The following ARL15 variants were observed in gnomAD, a reference collection of about 807,000 sequenced individuals.
The protein encoded by ARL15 is ARF like GTPase 15.
In ARL15, 19 loss-of-function variants were observed where a neutral mutation model predicts 25.2. The observed-to-expected ratio is 0.75, with a 90% confidence interval of 0.53 to 1.10. The LOEUF is 1.10. Among genes scored for constraint, ARL15 ranks in the 50% least tolerant of loss-of-function variants. The pLI is 0.00. For missense variants in ARL15, 220 were observed against 246.0 expected (o/e 0.89, Z 0.71); for synonymous variants, 94 against 86.8 (o/e 1.08, Z -0.46).
chr5:54,188,127 T>C lies in ARL15; in HGVS notation c.49-16199A>G, dbSNP rs1755290306. On this transcript the variant is annotated intron_variant, in intron 1 of 4. Coordinates refer to ENST00000504924, the MANE Select transcript of ARL15 (RefSeq NM_019087.3). The stretch of plus-strand genomic sequence containing the variant: ...CTGTTACAACAAGAATAAAAAAAAC[T>C]ACTCATCTGGAACATGCAACAAAAA... 3.3e-5 allele frequency among the ~76,000 whole-genome samples: 5 copies of C among 152,144 alleles called. 1 individual carries two copies. In the South Asian group the frequency reaches 1.0e-3, roughly 32 times the overall value.
intron 4 of ARL15, among the ~76,000 whole-genome samples, chr5:53,909,103 T>C (rs73110821): frequency 0.011 from 1,709 of 152,224 alleles, 33 homozygotes; most frequent in African/African-American, 0.037. Context: ...AAGTACACTA[T>C]AGAAAATCAA....
In ARL15 at chr5:53,986,354, T is replaced by G. The variant is rs754330215; in HGVS notation, c.463-99641A>C. ...CAATTGATAATTATTTTGGGAGAAATAATTTATTTTTCAATTTTGACCATC... is the reference window on the plus strand; with the variant it reads ...CAATTGATAATTATTTTGGGAGAAAGAATTTATTTTTCAATTTTGACCATC... On this transcript the variant is annotated intron_variant, in intron 4 of 4. Transcript: ENST00000504924. Among the ~76,000 whole-genome samples the G allele has an allele frequency of 2.6e-5, 4 of 152,180 alleles. No individual in the cohort carries two copies. The East Asian group carries it at 7.7e-4, about 29-fold the overall frequency.
At chr5:54,279,988 C>T (rs1758014037) in intron 1 of ARL15, among the ~76,000 whole-genome samples, 1 of 152,208 alleles carries the variant, frequency 6.6e-6, no homozygotes, top group Non-Finnish European at 1.5e-5. Context: ...TACTGGGCTG[C>T]GAGCCAGCGC....
chr5:54,104,561 T>C (rs1166559863), intron 4 of ARL15, among the ~76,000 whole-genome samples: 3 of 152,266 alleles, frequency 2.0e-5, no homozygotes, highest in Admixed American at 2.0e-4. Flanking sequence ...TTAGTTATAG[T>C]TATTTTTATA....
At chr5:54,189,758 CAATA>C (rs1207196039) in intron 1 of ARL15, among the ~76,000 whole-genome samples, 1 of 151,770 alleles carries the variant, frequency 6.6e-6, no homozygotes, top group Non-Finnish European at 1.5e-5. Context: ...TTGAATTTGG[CAATA>C]ATTTGTTGGA....
intron 2 of ARL15, among the ~76,000 whole-genome samples, chr5:54,155,122 A>G (rs1315762002): frequency 6.6e-6 from 1 of 152,126 alleles, no homozygotes; most frequent in Non-Finnish European, 1.5e-5. Flanking sequence ...TCCATTTCAA[A>G]AACAAACAAA....
At chr5:54,181,050 A>AT (rs1755041852) in intron 1 of ARL15, among the ~76,000 whole-genome samples, 1 of 152,188 alleles carries the variant, frequency 6.6e-6, no homozygotes, top group Admixed American at 6.5e-5. Flanking sequence ...CAAAAGTGAG[A>AT]TTTTAAAAGT....
At chr5:54,078,126 C>T (rs552442455) in intron 4 of ARL15, among the ~76,000 whole-genome samples, 1 of 152,284 alleles carries the variant, frequency 6.6e-6, no homozygotes, top group South Asian at 2.1e-4. Context: ...ATAATATGCT[C>T]TTAAGTTTAA....
intron 4 of ARL15, among the ~76,000 whole-genome samples, chr5:54,024,426 T>A (rs1014603126): frequency 2.0e-5 from 3 of 152,194 alleles, no homozygotes; most frequent in African/African-American, 7.2e-5. Flanking sequence ...GATGTTAGAT[T>A]TATCCATACT....
chr5:53,947,438 A>G (rs1294468563), intron 4 of ARL15, among the ~76,000 whole-genome samples: 2 of 152,112 alleles, frequency 1.3e-5, no homozygotes, highest in Non-Finnish European at 2.9e-5. Flanking sequence ...AATCAAACAA[A>G]TGGCTTGCAA....
At chr5:54,239,929 AAT>A (rs1358635603) in intron 1 of ARL15, among the ~76,000 whole-genome samples, 1 of 152,180 alleles carries the variant, frequency 6.6e-6, no homozygotes, top group Non-Finnish European at 1.5e-5. Flanking sequence ...AGTAGAACTT[AAT>A]TCTAACACAT....
intron 4 of ARL15, chr5:53,887,280 G>C: frequency 1.5e-6 from 1 of 651,918 alleles, no homozygotes; most frequent in South Asian, 1.7e-5. Flanking sequence ...AAAGAGGATA[G>C]AAACTGCATG....
At chr5:54,205,383 A>G (rs1333647987) in intron 1 of ARL15, among the ~76,000 whole-genome samples, 4 of 152,132 alleles carry the variant, frequency 2.6e-5, no homozygotes, top group African/African-American at 9.7e-5. Flanking sequence ...AAACCACTGC[A>G]TTGCACTGCC....
chr5:54,297,161 A>G (rs995614119), intron 1 of ARL15, among the ~76,000 whole-genome samples: 3 of 152,148 alleles, frequency 2.0e-5, no homozygotes, highest in Non-Finnish European at 2.9e-5. Context: ...TTCTACTAAG[A>G]GGGGTTGCAC....
intron 3 of ARL15, among the ~76,000 whole-genome samples, chr5:54,126,772 C>A (rs180935812): frequency 3.9e-5 from 6 of 152,212 alleles, no homozygotes; most frequent in Non-Finnish European, 7.3e-5. Flanking sequence ...GCCATGCCTT[C>A]GAACTTCCCA....
chr5:53,983,382 A>G (rs1748187099), intron 4 of ARL15, among the ~76,000 whole-genome samples: 1 of 152,162 alleles, frequency 6.6e-6, no homozygotes, highest in Non-Finnish European at 1.5e-5. Context: ...CTGCTCTCCA[A>G]ATTTATGTTA....
intron 4 of ARL15, among the ~76,000 whole-genome samples, chr5:54,110,104 T>C (rs1469093117): frequency 6.6e-6 from 1 of 152,136 alleles, no homozygotes; most frequent in Non-Finnish European, 1.5e-5. Context: ...AAGAAAATAA[T>C]TGGGCATGTT....
chr5:54,209,394 G>T lies in ARL15; in HGVS notation c.49-37466C>A, dbSNP rs900568633. On this transcript the variant is annotated intron_variant, in intron 1 of 4. Coordinates refer to ENST00000504924, the MANE Select transcript of ARL15 (RefSeq NM_019087.3). Reference sequence around the variant, plus strand: ...GTTGAAATGGAGAAAGCTAGAGAAAGAGAAGTTAGAGAGGGCATTTGAAGG... The same window carrying T: ...GTTGAAATGGAGAAAGCTAGAGAAATAGAAGTTAGAGAGGGCATTTGAAGG... Among the ~76,000 whole-genome samples, 28 of 152,134 alleles carry T rather than the reference G, an allele frequency of 1.8e-4. 1 individual carries two copies. The highest frequency in any genetic ancestry group is 1.6e-3 in the Admixed American group (24 of 15,290).
In ARL15 at chr5:53,921,126, T is replaced by C. The variant is rs552791102; in HGVS notation, c.463-34413A>G. On this transcript the variant is annotated intron_variant, in intron 4 of 4. Coordinates refer to ENST00000504924, the MANE Select transcript of ARL15 (RefSeq NM_019087.3). Reference sequence around the variant, plus strand: ...AAGCTTTATAGCAACTGTATTACTCTAATACAGAAACATTTCATCACTTAA... The same window carrying C: ...AAGCTTTATAGCAACTGTATTACTCCAATACAGAAACATTTCATCACTTAA... 3.3e-5 allele frequency among the ~76,000 whole-genome samples: 5 copies of C among 152,330 alleles called. No homozygotes were observed. The East Asian group carries it at 9.6e-4, about 29-fold the overall frequency.
Sources: gnomAD v4.1 joint callset for allele counts (sites outside exome capture counted in the v4.1 genomes callset) on GRCh38, gnomAD v4.1.1 for gene constraint, MANE v1.5 for transcripts, NCBI Gene and HGNC (gene_info 2026-07-23, HGNC 2026-07-21) for gene names.